SPTBN5: variants seen among roughly 807,000 people sequenced by gnomAD.
The protein encoded by SPTBN5 is spectrin beta, non-erythrocytic 5.
SPTBN5 carries 513 observed loss-of-function variants against 477.6 expected under a neutral mutation model. The observed-to-expected ratio is 1.07, with a 90% CI of 1.00 to 1.16. SPTBN5 has a LOEUF of 1.16. Ranked by LOEUF, SPTBN5 falls within the 50% of genes most tolerant of loss-of-function variation. The pLI is 0.00. For missense variants in SPTBN5, 5,062 were observed against 4,731.8 expected, an observed-to-expected ratio of 1.07 and a Z score of -2.05; for synonymous variants, 2,169 against 2,011.7, an observed-to-expected ratio of 1.08 and a Z score of -2.09.
chr15:41,876,694 A>AAC, intron 19 of SPTBN5, 47 bp from the exon 20 acceptor site: 1 of 1,493,768 alleles, frequency 6.7e-7, no homozygotes, highest in Non-Finnish European at 9.2e-7. Context: ...GAGGACTCCC[A>AAC]CCCCAGCACG....
In SPTBN5 at chr15:41,874,927, C is replaced by G. The variant is rs748613876; in HGVS notation, c.4417G>C (p.Ala1473Pro). 6.2e-7 allele frequency: 1 copy of G among 1,613,322 alleles called. No individual in the cohort carries two copies. The highest frequency in any genetic ancestry group is 1.1e-5 in the South Asian group (1 of 91,092). ...QLESESRTLA[A>P]KMAALASMAH... ...ATGGAGGCGAGGGCAGCCATCTTGG[C>G]AGCCAGGGTCCGGCTCTCACTCTCC... Residue 1473 changes from alanine to proline, a missense_variant, in exon 23 of 68, where the codon GCC becomes CCC. Physicochemically the swap from Ala to Pro is conservative, Grantham distance 27 (BLOSUM62 -1). Transcript: ENST00000320955.
chr15:41,848,490 G>C lies in SPTBN5; in HGVS notation c.*126C>G. ...AGGAACTGTCTATTCCAGAAGCTGG[G>C]CCTGGGGAACTGGGTTGAAGCAGCC... is the stretch of plus-strand genomic sequence containing the variant. On this transcript the variant is annotated 3_prime_UTR_variant, in exon 68 of 68. Transcript: ENST00000320955. 9.1e-7 allele frequency: 1 copy of C among 1,096,376 alleles called. No homozygotes were observed. Among genetic ancestry groups the C allele is most frequent in the African/African-American group, 1.5e-5 (1 of 64,850 alleles). The allele number at this position is 1,096,376 out of a possible 1,614,324, so 67.9% of individuals were successfully genotyped here.
intron 2 of SPTBN5, 45 bp from the exon 3 acceptor site, chr15:41,893,106 C>T (rs757782758): frequency 6.3e-7 from 1 of 1,596,394 alleles, no homozygotes; most frequent in East Asian, 2.3e-5. Flanking sequence ...CCAGCCTCAC[C>T]TGTCCTCCCA....
chr15:41,890,578 C>T (rs2067278708), intron 3 of SPTBN5, among the ~76,000 whole-genome samples: 1 of 152,258 alleles, frequency 6.6e-6, no homozygotes, highest in Non-Finnish European at 1.5e-5. Flanking sequence ...ACAATAGCAA[C>T]TGTCTGCCTC....
chr15:41,878,527 G>A lies in SPTBN5; in HGVS notation c.3285C>T (p.Ala1095=), dbSNP rs2066826570. The change falls in exon 17 of 68, where the codon GCC becomes GCT. Residue 1095 remains alanine, a synonymous_variant. Coordinates refer to ENST00000320955, the MANE Select transcript of SPTBN5 (RefSeq NM_016642.4). ...KQVQEQVAQR[A]RRQAETQARQ... ...GGGCCTGAGTCTCAGCCTGGCGCCG[G>A]GCCCGTTGGGCCACTTGTTCCTGTA... The A allele has an allele frequency of 1.9e-6, 3 of 1,612,868 alleles. No homozygotes were observed. Among genetic ancestry groups the A allele is most frequent in the Non-Finnish European group, 2.5e-6 (3 of 1,179,696 alleles).
At position 41,866,033 on chromosome 15, in the gene SPTBN5, T is replaced by TGAAGCCC; in HGVS notation, c.6822+4_6822+5insGGGCTTC. The TGAAGCCC allele has an allele frequency of 6.4e-7, 1 of 1,552,462 alleles. No homozygotes were observed. The highest frequency in any genetic ancestry group is 2.4e-5 in the East Asian group (1 of 41,038). On this transcript the variant is annotated splice_donor_region_variant and intron_variant, in intron 38 of 67. Coordinates refer to ENST00000320955, the MANE Select transcript of SPTBN5 (RefSeq NM_016642.4). Reference sequence around the variant, plus strand: ...CTCTCAGCCCCCACCCAGCTGGGGCTACACCTTCTCCTGGATCCAGGCCTC... The same window carrying TGAAGCCC: ...CTCTCAGCCCCCACCCAGCTGGGGCTGAAGCCCACACCTTCTCCTGGATCCAGGCCTC...
intron 57 of SPTBN5, 74 bp downstream of exon 57, chr15:41,853,976 G>A: frequency 6.7e-7 from 1 of 1,491,864 alleles, no homozygotes; most frequent in Non-Finnish European, 8.9e-7. Context: ...GGGTGGGAGG[G>A]CTGAGATAGG....
rs376998927 is a variant in SPTBN5, at chr15:41,870,419, A to C, written c.5562+27T>G. ...TGGGCACTGAGCCTGGAGTGTATCC[A>C]CTTCTAGCCACCCCTCCGGCTCACA... is the stretch of plus-strand genomic sequence containing the variant. On this transcript the variant is annotated intron_variant, in intron 30 of 67. Transcript: ENST00000320955. 29 of 1,611,668 alleles carry C rather than the reference A, an allele frequency of 1.8e-5. No homozygotes were observed. In the African/African-American group the frequency reaches 3.9e-4, roughly 22 times the overall value.
intron 61 of SPTBN5, 120 bp from the exon 62 acceptor site, chr15:41,852,436 A>T: frequency 7.2e-7 from 1 of 1,396,662 alleles, no homozygotes; most frequent in Non-Finnish European, 9.7e-7. Flanking sequence ...CCTCCCCATC[A>T]CTAGCTCTTT....
At position 41,855,323 on chromosome 15, in the gene SPTBN5, G is replaced by T; in HGVS notation, c.9324C>A (p.His3108Gln). 2 of 1,609,386 alleles carry T rather than the reference G, an allele frequency of 1.2e-6. No individual in the cohort carries two copies. The highest frequency in any genetic ancestry group is 1.7e-6 in the Non-Finnish European group (2 of 1,179,784). Reference protein sequence around the residue: ...GHGLQEQLQLHQLERETLLLD... With the variant: ...GHGLQEQLQLQQLERETLLLD... ...GGAGCAGGGTCTCTCGCTCCAGCTGGTGTAGCTGCAGCTGCTCCTGCAGGC... is the reference window on the plus strand; with the variant it reads ...GGAGCAGGGTCTCTCGCTCCAGCTGTTGTAGCTGCAGCTGCTCCTGCAGGC... Residue 3108 changes from histidine to glutamine, a missense_variant, in exon 55 of 68, where the codon CAC (histidine) becomes CAA (glutamine). Coordinates refer to ENST00000320955, the MANE Select transcript of SPTBN5 (RefSeq NM_016642.4).
chr15:41,876,727 T>G, intron 19 of SPTBN5, 80 bp from the exon 20 acceptor site: 2 of 1,074,696 alleles, frequency 1.9e-6, no homozygotes, highest in South Asian at 2.4e-5. Context: ...CCCCACCCCC[T>G]ACTCTCCCAG....
rs770325002 is a variant in SPTBN5 at position 41,874,933 on chromosome 15, G to A, written c.4411C>T (p.Leu1471=). The part of the protein sequence containing the change: ...HQQLESESRT[L]AAKMAALASM... ...GCGAGGGCAGCCATCTTGGCAGCCA[G>A]GGTCCGGCTCTCACTCTCCAGCTGT... is the stretch of plus-strand genomic sequence containing the variant. Residue 1471 remains leucine (L), a synonymous_variant, in exon 23 of 68, where the codon CTG becomes TTG. Transcript: ENST00000320955. The A allele has an allele frequency of 1.9e-6, 3 of 1,613,530 alleles. No individual in the cohort carries two copies. Among genetic ancestry groups the A allele is most frequent in the Non-Finnish European group, 1.7e-6 (2 of 1,179,872 alleles).
chr15:41,850,599 G>C (rs1456009746), intron 66 of SPTBN5: 1 of 505,136 alleles, frequency 2.0e-6, no homozygotes, highest in Non-Finnish European at 3.5e-6. Context: ...GACTCCAAAA[G>C]GGGCAGAACA....
chr15:41,859,544 T>C (rs1346926651), intron 47 of SPTBN5, among the ~76,000 whole-genome samples: 3 of 152,184 alleles, frequency 2.0e-5, no homozygotes, highest in African/African-American at 7.2e-5. Context: ...TAAGTGAAAA[T>C]GAGGTCATAT....
chr15:41,851,375 G>C lies in SPTBN5; in HGVS notation c.10657-6C>G. Reference sequence around the variant, plus strand: ...TCCCAGGAGCTCGAGCTAGGCTGTGGAGAGGAGGCGGGAAGGTCGCATGAG... The same window carrying C: ...TCCCAGGAGCTCGAGCTAGGCTGTGCAGAGGAGGCGGGAAGGTCGCATGAG... On this transcript the variant is annotated splice_polypyrimidine_tract_variant and splice_region_variant and intron_variant, in intron 63 of 67. Transcript: ENST00000320955. The C allele has an allele frequency of 6.5e-7, 1 of 1,550,270 alleles. No individual in the cohort carries two copies. The highest frequency in any genetic ancestry group is 1.2e-5 in the South Asian group (1 of 83,996).
chr15:41,863,036 CCAGAG>C (rs1595461390), intron 41 of SPTBN5, 133 bp from the exon 42 acceptor site: 1 of 766,120 alleles, frequency 1.3e-6, no homozygotes, highest in East Asian at 2.7e-5. Context: ...ACTTTGAGGG[CCAGAG>C]ATCTCTTCCT....
Position 41,893,019 on chromosome 15 carries a change from C to T in SPTBN5, c.259G>A (p.Gly87Ser), listed in dbSNP as rs377472590. ...IRNLYTELAD[G>S]IHLLRLLELI... ...TCCAGCAGCCGCAGGAGGTGGATGC[C>T]GTCAGCCAGCTCTGTGTACAGGTTC... Residue 87 changes from glycine to serine, a missense_variant, in exon 3 of 68, where the codon GGC (glycine) becomes AGC (serine). Coordinates refer to ENST00000320955, the MANE Select transcript of SPTBN5 (RefSeq NM_016642.4). 40 of 1,611,100 alleles carry T rather than the reference C, an allele frequency of 2.5e-5. No individual in the cohort carries two copies. Among genetic ancestry groups the T allele is most frequent in the South Asian group, 2.4e-4 (22 of 91,058 alleles).
intron 2 of SPTBN5, 36 bp from the exon 3 acceptor site, chr15:41,893,097 C>G (rs752442741): frequency 6.3e-7 from 1 of 1,599,952 alleles, no homozygotes; most frequent in South Asian, 1.1e-5. Flanking sequence ...GGGGTCAGCC[C>G]AGCCTCACCT....
At chr15:41,868,337 G>A (rs918754390) in intron 33 of SPTBN5, 61 bp downstream of exon 33, 4 of 1,568,550 alleles carry the variant, frequency 2.6e-6, no homozygotes, top group Non-Finnish European at 3.5e-6. Context: ...CGGGGCACCA[G>A]GTGGCCAGGC....
Sources: allele counts gnomAD v4.1 joint callset (sites outside exome capture counted in the v4.1 genomes callset), GRCh38; gene constraint gnomAD v4.1.1; transcripts MANE v1.5; gene names NCBI Gene and HGNC (gene_info 2026-07-23, HGNC 2026-07-21).